Variants in HACD2 observed in about 807,000 individuals in gnomAD.
HACD2 encodes the protein 3-hydroxyacyl-CoA dehydratase 2.
A neutral mutation model predicts 31.0 loss-of-function variants in HACD2; 15 were observed. The observed-to-expected ratio is 0.48, with a 90% CI of 0.32 to 0.75. The LOEUF (loss-of-function observed/expected upper bound fraction) is 0.75, where lower values mean the gene tolerates loss of function less well. Among genes scored for constraint, HACD2 ranks in the 30% least tolerant of loss-of-function variants. The pLI is 0.03. For synonymous variants in HACD2, 115 were observed against 122.2 expected, an observed-to-expected ratio of 0.94 and a Z score of 0.39; for missense variants, 283 against 313.0, an observed-to-expected ratio of 0.90 and a Z score of 0.72.
chr3:123,510,457 A>G (rs1292346795), intron 4 of HACD2, among the ~76,000 whole-genome samples: 4 of 152,184 alleles, frequency 2.6e-5, no homozygotes, highest in African/African-American at 9.7e-5. Context: ...CATGTTGGCC[A>G]GGCTGCTCTT....
intron 3 of HACD2, among the ~76,000 whole-genome samples, chr3:123,543,518 G>A (rs1236260739): frequency 1.3e-5 from 2 of 152,130 alleles, no homozygotes; most frequent in Admixed American, 1.3e-4. Context: ...ACTGGGGTGG[G>A]AAAGAGACTC....
intron 3 of HACD2, among the ~76,000 whole-genome samples, chr3:123,531,179 G>A (rs2107709827): frequency 6.6e-6 from 1 of 152,154 alleles, no homozygotes; most frequent in Non-Finnish European, 1.5e-5. Flanking sequence ...GGAACTAGAA[G>A]GTCTAGGGGC....
chr3:123,560,875 A>C (rs2056721141), intron 3 of HACD2, among the ~76,000 whole-genome samples: 1 of 152,204 alleles, frequency 6.6e-6, no homozygotes, highest in Non-Finnish European at 1.5e-5. Context: ...ACACTGCTGA[A>C]GGCTGGGCAC....
At position 123,500,631 on chromosome 3, in the gene HACD2, G is replaced by C; in HGVS notation, c.566C>G (p.Ala189Gly). The change falls in exon 6 of 7, where the codon GCA (alanine) becomes GGA (glycine). Residue 189 changes from alanine (A) to glycine (G), a missense_variant. Ala to Gly is a moderately conservative substitution (Grantham distance 60, BLOSUM62 0). Around this residue, in one of 3 missense-constraint regions of HACD2, gnomAD observed 85 missense variants for 129.6 expected, o/e 0.66. Coordinates refer to ENST00000383657, the MANE Select transcript of HACD2 (RefSeq NM_198402.5). Reference protein sequence around the residue: ...GVSGELLTIYAALPFVRQAGL... With the variant: ...GVSGELLTIYGALPFVRQAGL... ...AGCTTGTCTGACAAAGGGCAGAGCT[G>C]CATATATTGTGAGCAGTTCTCCTGA... 6.2e-7 allele frequency: 1 copy of C among 1,613,454 alleles called. No homozygotes were observed. Among genetic ancestry groups the C allele is most frequent in the Non-Finnish European group, 8.5e-7 (1 of 1,179,478 alleles).
chr3:123,541,897 C>T (rs1270965753), intron 3 of HACD2, among the ~76,000 whole-genome samples: 4 of 151,948 alleles, frequency 2.6e-5, no homozygotes, highest in African/African-American at 9.7e-5. Context: ...GAATACATCC[C>T]AGCACTTTGG....
chr3:123,542,079 G>A (rs377394565), intron 3 of HACD2, among the ~76,000 whole-genome samples: 4 of 141,648 alleles, frequency 2.8e-5, no homozygotes, highest in African/African-American at 8.0e-5. Context: ...CCCGGGAGGC[G>A]GAGCTTGCAG....
chr3:123,535,482 TAC>T (rs1416875497), intron 3 of HACD2, among the ~76,000 whole-genome samples: 1 of 152,140 alleles, frequency 6.6e-6, no homozygotes, highest in Non-Finnish European at 1.5e-5. Flanking sequence ...AAGCAATAGG[TAC>T]AACTTAATGC....
rs541769217 is a variant in HACD2, at chr3:123,569,181, T to C, written c.274-1401A>G. ...ACAGGAGAACAAAATAATTACCACA[T>C]TGCAAATCTTACAGTCTTTTTCAAT... On this transcript the variant is annotated intron_variant, in intron 2 of 6. Coordinates refer to ENST00000383657, the MANE Select transcript of HACD2 (RefSeq NM_198402.5). Among the ~76,000 whole-genome samples, 4 of 152,210 alleles carry C rather than the reference T, an allele frequency of 2.6e-5. No homozygotes were observed. The East Asian group carries it at 5.8e-4, about 22-fold the overall frequency.
chr3:123,539,911 T>TGAAAA (rs770367599), intron 3 of HACD2, among the ~76,000 whole-genome samples: 1 of 24,478 alleles, frequency 4.1e-5, no homozygotes, highest in African/African-American at 2.1e-4. Context: ...TCGTCTCTAC[T>TGAAAA]AAAAAAAAAA....
rs1162697746 is a variant in HACD2, at chr3:123,556,084, T to A, written c.292+11678A>T. Among the ~76,000 whole-genome samples, 3 of 151,996 alleles carry A rather than the reference T, an allele frequency of 2.0e-5. No homozygotes were observed. In the East Asian group the frequency reaches 5.8e-4, roughly 29 times the overall value. ...TGGATCACAGACTGAGGCGGGAGGA[T>A]CACCTGAGGCCAGGAATTTGAGACT... On this transcript the variant is annotated intron_variant, in intron 3 of 6. Transcript: ENST00000383657.
At chr3:123,544,144 A>T (rs1025921398) in intron 3 of HACD2, among the ~76,000 whole-genome samples, 3 of 152,228 alleles carry the variant, frequency 2.0e-5, no homozygotes, top group African/African-American at 7.2e-5. Flanking sequence ...TTCCCCGAGT[A>T]GGAGGCCCAC....
At chr3:123,514,076 A>G (rs1269732923) in intron 4 of HACD2, among the ~76,000 whole-genome samples, 1 of 152,148 alleles carries the variant, frequency 6.6e-6, no homozygotes, top group East Asian at 1.9e-4. Flanking sequence ...GCAGTTCAAG[A>G]CCAGCCTGGG....
intron 3 of HACD2, among the ~76,000 whole-genome samples, chr3:123,546,403 G>C (rs2056560361): frequency 6.6e-6 from 1 of 152,086 alleles, no homozygotes; most frequent in African/African-American, 2.4e-5. Context: ...ATCTCATCTG[G>C]GTTAGCAATG....
chr3:123,574,264 A>T (rs1010776837), intron 2 of HACD2, among the ~76,000 whole-genome samples: 1 of 152,226 alleles, frequency 6.6e-6, no homozygotes, highest in African/African-American at 2.4e-5. Flanking sequence ...TCCGAAATCA[A>T]CTTTATCTTA....
intron 3 of HACD2, among the ~76,000 whole-genome samples, chr3:123,563,273 G>A (rs568840624): frequency 4.3e-4 from 66 of 152,280 alleles, no homozygotes; most frequent in South Asian, 3.3e-3. Flanking sequence ...GCTGTGGGTG[G>A]TAGGGAAGTT....
In HACD2 at chr3:123,585,006, C is replaced by T. The variant is rs1257166996; in HGVS notation, c.22G>A (p.Ala8Thr). MAAVAAT[A>T]AAKGNGGGGG... ...CCGCCCCCATTCCCCTTCGCTGCTG[C>T]AGTCGCCGCCACTGCCGCCATGTCA... Residue 8 changes from alanine (A) to threonine (T), a missense_variant, in exon 1 of 7, where the codon GCA (alanine) becomes ACA (threonine). Transcript: ENST00000383657. 1.3e-6 allele frequency: 2 copies of T among 1,512,008 alleles called. No homozygotes were observed. Among genetic ancestry groups the T allele is most frequent in the South Asian group, 1.2e-5 (1 of 80,410 alleles). 93.7% of individuals were successfully genotyped at this position (1,512,008 alleles called of 1,614,324 possible). A position where few individuals can be genotyped will look rare whatever the true frequency, so the allele number is the denominator to read the frequency against.
intron 3 of HACD2, among the ~76,000 whole-genome samples, chr3:123,531,270 T>C (rs2056356792): frequency 6.6e-6 from 1 of 152,148 alleles, no homozygotes; most frequent in South Asian, 2.1e-4. Context: ...GGAATATAAA[T>C]TTGTATTTGT....
At chr3:123,554,713 C>T (rs1257314710) in intron 3 of HACD2, among the ~76,000 whole-genome samples, 1 of 151,970 alleles carries the variant, frequency 6.6e-6, no homozygotes, top group Non-Finnish European at 1.5e-5. Flanking sequence ...CAACTCTATG[C>T]TAATATTAAA....
chr3:123,512,234 G>C (rs2056072456), intron 4 of HACD2, among the ~76,000 whole-genome samples: 1 of 150,678 alleles, frequency 6.6e-6, no homozygotes, highest in African/African-American at 2.5e-5. Flanking sequence ...TTCTATCTCT[G>C]CTAAGCAGAA....
Sources: gnomAD v4.1 joint callset for allele counts (sites outside exome capture counted in the v4.1 genomes callset) on GRCh38, gnomAD v4.1.1 for gene constraint, gnomAD v4.1.1 regional missense constraint, MANE v1.5 for transcripts, NCBI Gene and HGNC (gene_info 2026-07-23, HGNC 2026-07-21) for gene names.